The following CUX2 variants were observed in gnomAD, a reference collection of about 807,000 sequenced individuals.
CUX2 encodes cut like homeobox 2, also known as homeobox protein cut-like 2.
A neutral mutation model predicts 144.8 loss-of-function variants in CUX2; 40 were observed. That is an observed-to-expected ratio of 0.28 (90% CI 0.21 to 0.36). CUX2 has a LOEUF of 0.36. Among genes scored for constraint, CUX2 ranks in the 10% least tolerant of loss-of-function variants. The pLI, the probability that CUX2 is intolerant of heterozygous loss-of-function variation, is 1.00. For synonymous variants in CUX2, 827 were observed against 875.6 expected, an observed-to-expected ratio of 0.94 and a Z score of 0.98; for missense variants, 1,615 against 1,994.0, an observed-to-expected ratio of 0.81 and a Z score of 3.62.
chr12:111,165,617 C>T (rs1388390307), intron 1 of CUX2, among the ~76,000 whole-genome samples: 1 of 152,134 alleles, frequency 6.6e-6, no homozygotes. Context: ...CCTCATTGTC[C>T]TTGTCTACAA....
chr12:111,226,132 C>T (rs868569215), intron 3 of CUX2, among the ~76,000 whole-genome samples: 2 of 152,204 alleles, frequency 1.3e-5, no homozygotes, highest in South Asian at 4.1e-4. Flanking sequence ...TTTGTAGAGA[C>T]TTGGTTTCAC....
rs1227311025 is a variant in CUX2 at position 111,311,597 on chromosome 12, A to ATTTTTT, written c.1901-501_1901-500insTTTTTT. Among the ~76,000 whole-genome samples, 7 of 136,394 alleles carry ATTTTTT rather than the reference A, an allele frequency of 5.1e-5. 1 individual carries two copies. The highest frequency in any genetic ancestry group is 2.2e-4 in the East Asian group (1 of 4,496). 89.5% of individuals were successfully genotyped at this position (136,394 alleles called of 152,430 possible). A position where few individuals can be genotyped will look rare whatever the true frequency, so the allele number is the denominator to read the frequency against. On this transcript the variant is annotated intron_variant, in intron 15 of 21. Coordinates refer to ENST00000261726, the MANE Select transcript of CUX2 (RefSeq NM_015267.4). ...AGCCACTGTACCCTATTTCTTTATT[A>ATTTTTT]TTATTATTTTTTTTTTTTTGAGACG...
intron 3 of CUX2, among the ~76,000 whole-genome samples, chr12:111,223,006 G>A (rs1025832620): frequency 1.3e-5 from 2 of 152,096 alleles, no homozygotes; most frequent in Non-Finnish European, 1.5e-5. Context: ...TGGTCACCTC[G>A]CCTCCTTTTG....
intron 1 of CUX2, among the ~76,000 whole-genome samples, chr12:111,168,144 C>T (rs1452915144): frequency 1.3e-5 from 2 of 152,166 alleles, no homozygotes; most frequent in African/African-American, 2.4e-5. Flanking sequence ...CAGATGTGCA[C>T]CGTCTCAGCG....
At chr12:111,162,318 G>A (rs1433119405) in intron 1 of CUX2, among the ~76,000 whole-genome samples, 23 of 152,206 alleles carry the variant, frequency 1.5e-4, no homozygotes, top group Non-Finnish European at 4.4e-5. Context: ...GTGGGGTTTC[G>A]TCCTTGGAGC....
rs1198113973 is a variant in CUX2 at position 111,328,972 on chromosome 12, T to TCTCTCTCTCTCTCTCC, written c.2927-5466_2927-5465insTCTCTCTCTCTCCCTC. ...CTCTCTCTCTCTCTCTCTCTCTCTC[T>TCTCTCTCTCTCTCTCC]CTCCCCCTCTCTCCCTCTCTCCCTC... On this transcript the variant is annotated intron_variant, in intron 18 of 21. Transcript: ENST00000261726. Among the ~76,000 whole-genome samples, 119 of 80,032 alleles carry TCTCTCTCTCTCTCTCC rather than the reference T, an allele frequency of 1.5e-3. 1 individual carries two copies. The highest frequency in any genetic ancestry group is 5.7e-3 in the African/African-American group (67 of 11,742). The allele number at this position is 80,032 out of a possible 152,430, so 52.5% of individuals were successfully genotyped here.
intron 1 of CUX2, among the ~76,000 whole-genome samples, chr12:111,213,837 G>A (rs1024281013): frequency 6.7e-6 from 1 of 150,194 alleles, no homozygotes; most frequent in South Asian, 2.1e-4. Context: ...GTCTGGAGAT[G>A]TTTTCTACAG....
At chr12:111,285,848 T>G (rs1374488787) in intron 4 of CUX2, among the ~76,000 whole-genome samples, 1 of 152,148 alleles carries the variant, frequency 6.6e-6, no homozygotes, top group Non-Finnish European at 1.5e-5. Context: ...ACCGCCACCT[T>G]CTCCCTCAAG....
chr12:111,266,757 C>T (rs543498547), intron 4 of CUX2, among the ~76,000 whole-genome samples: 3 of 152,210 alleles, frequency 2.0e-5, no homozygotes, highest in South Asian at 4.1e-4. Context: ...TACTGCAGCG[C>T]TGGGACACTA....
chr12:111,042,101 T>A (rs1275551553), intron 1 of CUX2, among the ~76,000 whole-genome samples: 1 of 152,226 alleles, frequency 6.6e-6, no homozygotes, highest in Non-Finnish European at 1.5e-5. Flanking sequence ...AATCAATCCT[T>A]CGGCCTCTTT....
At position 111,347,319 on chromosome 12, in the gene CUX2, C is replaced by A. The variant is rs892561838; in HGVS notation, c.3660-205C>A. 1.6e-4 allele frequency among the ~76,000 whole-genome samples: 24 copies of A among 152,252 alleles called. 1 individual carries two copies. Among genetic ancestry groups the A allele is most frequent in the Middle Eastern group, 6.8e-3 (2 of 294 alleles). Reference sequence around the variant, plus strand: ...GAACAAGTCACTTAACATCTCTGAGCCTTGTTTCCTGTGAAGTGGAGATAA... The same window carrying A: ...GAACAAGTCACTTAACATCTCTGAGACTTGTTTCCTGTGAAGTGGAGATAA... On this transcript the variant is annotated intron_variant, in intron 21 of 21. Transcript: ENST00000261726.
At chr12:111,344,741 C>G (rs1251758747) in intron 21 of CUX2, among the ~76,000 whole-genome samples, 2 of 152,066 alleles carry the variant, frequency 1.3e-5, no homozygotes, top group Non-Finnish European at 2.9e-5. Flanking sequence ...GGATGGGGCC[C>G]CACAGGACCT....
At chr12:111,222,914 T>C (rs1881928177) in intron 3 of CUX2, among the ~76,000 whole-genome samples, 1 of 152,190 alleles carries the variant, frequency 6.6e-6, no homozygotes, top group African/African-American at 2.4e-5. Context: ...AATCATTTAG[T>C]CACCTCAACA....
intron 20 of CUX2, among the ~76,000 whole-genome samples, chr12:111,339,001 G>C (rs555208087): frequency 1.3e-3 from 196 of 152,310 alleles, no homozygotes; most frequent in Non-Finnish European, 1.9e-3. Context: ...GGGAGGCTGA[G>C]GCGGGCAGAT....
intron 1 of CUX2, among the ~76,000 whole-genome samples, chr12:111,208,145 T>C (rs2136217817): frequency 6.6e-6 from 1 of 152,158 alleles, no homozygotes; most frequent in African/African-American, 2.4e-5. Flanking sequence ...TTTGTCTTCA[T>C]GGAATCTCTT....
intron 1 of CUX2, among the ~76,000 whole-genome samples, chr12:111,085,361 C>T (rs1447453591): frequency 6.6e-6 from 1 of 152,204 alleles, no homozygotes. Flanking sequence ...AACCATTTAC[C>T]AGCATGCATC....
rs1321659689 is a variant in CUX2 at position 111,348,146 on chromosome 12, C to T, written c.4282C>T (p.Pro1428Ser). 1 of 1,614,116 alleles carries T rather than the reference C, an allele frequency of 6.2e-7. No individual in the cohort carries two copies. Among genetic ancestry groups the T allele is most frequent in the Admixed American group, 1.7e-5 (1 of 60,014 alleles). The stretch of plus-strand genomic sequence containing the variant: ...CATCTCCCCATCCCCACCTGGCGCC[C>T]CCCCTGCCAAAGTGCCGAGTGCCAG... The part of the protein sequence containing the change: ...APISPSPPGA[P>S]PAKVPSASPT... The change falls in exon 22 of 22, where the codon CCC becomes TCC. Residue 1428 changes from proline to serine, a missense_variant. This residue lies in a region of CUX2 where 298 missense variants were observed against 330.4 expected (regional missense o/e 0.90). Coordinates refer to ENST00000261726, the MANE Select transcript of CUX2 (RefSeq NM_015267.4).
intron 1 of CUX2, among the ~76,000 whole-genome samples, chr12:111,085,748 G>A (rs1455726017): frequency 1.3e-5 from 2 of 152,112 alleles, no homozygotes; most frequent in African/African-American, 4.8e-5. Flanking sequence ...CCCAGCATTT[G>A]TTTCCAGTTG....
At chr12:111,152,931 A>G (rs748242060) in intron 1 of CUX2, among the ~76,000 whole-genome samples, 16 of 152,260 alleles carry the variant, frequency 1.1e-4, no homozygotes, top group Non-Finnish European at 2.4e-4. Flanking sequence ...GAGAGAAGGG[A>G]CAGTGTGGCT....
Sources: allele counts gnomAD v4.1 joint callset (sites outside exome capture counted in the v4.1 genomes callset), GRCh38; gene constraint gnomAD v4.1.1; regional missense constraint gnomAD v4.1.1; transcripts MANE v1.5; gene names NCBI Gene and HGNC (gene_info 2026-07-23, HGNC 2026-07-21).